The following CELF4 variants were observed in gnomAD, a reference collection of about 807,000 sequenced individuals.
The protein encoded by CELF4 is CUGBP Elav-like family member 4.
A neutral mutation model predicts 59.9 loss-of-function variants in CELF4; 18 were observed. That is an observed-to-expected ratio of 0.30 (90% CI 0.21 to 0.45). The LOEUF (loss-of-function observed/expected upper bound fraction) is 0.45. CELF4 is among the 20% of genes least tolerant of loss of function. The probability of loss-of-function intolerance (pLI) is 1.00; values close to 1 mark genes in which losing one functional copy is unlikely to be tolerated. For missense variants in CELF4, 456 were observed against 689.0 expected, an observed-to-expected ratio of 0.66 and a Z score of 3.79; for synonymous variants, 261 against 267.1, an observed-to-expected ratio of 0.98 and a Z score of 0.22.
At chr18:37,279,973 C>T (rs942170142) in intron 3 of CELF4, among the ~76,000 whole-genome samples, 2 of 152,162 alleles carry the variant, frequency 1.3e-5, no homozygotes, top group African/African-American at 4.8e-5. Flanking sequence ...CGTGTCTGTG[C>T]CTGCAGGTGT....
chr18:37,453,901 G>C (rs2099771021), intron 2 of CELF4, among the ~76,000 whole-genome samples: 1 of 152,120 alleles, frequency 6.6e-6, no homozygotes, highest in African/African-American at 2.4e-5. Flanking sequence ...ACTCCCCACA[G>C]GCAGCAGCTG....
chr18:37,272,597 C>T (rs549380733), intron 7 of CELF4, among the ~76,000 whole-genome samples: 7 of 124,042 alleles, frequency 5.6e-5, no homozygotes, highest in South Asian at 2.5e-4. Flanking sequence ...AAAAAAAAGA[C>T]GACACCCAAA....
intron 2 of CELF4, among the ~76,000 whole-genome samples, chr18:37,410,533 T>C (rs2099434096): frequency 2.6e-5 from 4 of 152,216 alleles, no homozygotes; most frequent in Admixed American, 2.6e-4. Flanking sequence ...CGTGTGTGCG[T>C]GTGGGCATCC....
Position 37,565,538 on chromosome 18 carries a change from C to T in CELF4, c.104G>A (p.Gly35Glu). Residue 35 changes from glycine (G) to glutamate (E), a missense_variant, in exon 1 of 13, where the codon GGA becomes GAA. Transcript: ENST00000420428. The stretch of plus-strand genomic sequence containing the variant: ...CGGGTTCCCCGGGCTGTGGCTTAAT[C>T]CGTTCATGTGCCCGGCACTGCCCGG... Reference protein sequence around the residue: ...SSPGSAGHMNGLSHSPGNPST... With the variant: ...SSPGSAGHMNELSHSPGNPST... 1 of 1,614,194 alleles carries T rather than the reference C, an allele frequency of 6.2e-7. No individual in the cohort carries two copies. Among genetic ancestry groups the T allele is most frequent in the Non-Finnish European group, 8.5e-7 (1 of 1,180,030 alleles).
chr18:37,539,623 TAGTC>T (rs57675755), intron 1 of CELF4, among the ~76,000 whole-genome samples: 10,074 of 152,212 alleles, frequency 0.066, 440 homozygotes, highest in East Asian at 0.21. Flanking sequence ...GCACTCTTGT[TAGTC>T]AGTGCACACG....
At chr18:37,432,990 C>A (rs188161171) in intron 2 of CELF4, among the ~76,000 whole-genome samples, 2 of 152,192 alleles carry the variant, frequency 1.3e-5, no homozygotes, top group Non-Finnish European at 2.9e-5. Context: ...CCACGGTATG[C>A]GCAACACAGG....
At chr18:37,505,064 G>A (rs997556222) in intron 1 of CELF4, among the ~76,000 whole-genome samples, 1 of 152,250 alleles carries the variant, frequency 6.6e-6, no homozygotes, top group African/African-American at 2.4e-5. Flanking sequence ...GGCAGGAGAA[G>A]TGCCTTGGGG....
chr18:37,334,966 CT>C (rs1453524435), intron 2 of CELF4, among the ~76,000 whole-genome samples: 1 of 152,024 alleles, frequency 6.6e-6, no homozygotes, highest in Non-Finnish European at 1.5e-5. Flanking sequence ...TGTTTTGTCT[CT>C]GGGCTTTAGA....
At chr18:37,510,789 C>T (rs944307494) in intron 1 of CELF4, among the ~76,000 whole-genome samples, 7 of 152,290 alleles carry the variant, frequency 4.6e-5, no homozygotes, top group African/African-American at 9.6e-5. Flanking sequence ...TCCACTTAGC[C>T]GTGCACATGC....
chr18:37,289,421 C>T (rs2095143433), intron 3 of CELF4, among the ~76,000 whole-genome samples: 1 of 152,174 alleles, frequency 6.6e-6, no homozygotes, highest in South Asian at 2.1e-4. Context: ...GTCCTCCCAC[C>T]CACAAGTCTC....
At chr18:37,398,491 C>G (rs2099273856) in intron 2 of CELF4, among the ~76,000 whole-genome samples, 1 of 152,172 alleles carries the variant, frequency 6.6e-6, no homozygotes, top group Non-Finnish European at 1.5e-5. Context: ...TGAGGAAGAT[C>G]CTAGCCTCGG....
At chr18:37,294,875 T>C (rs1461803256) in intron 3 of CELF4, among the ~76,000 whole-genome samples, 1 of 152,232 alleles carries the variant, frequency 6.6e-6, no homozygotes, top group Non-Finnish European at 1.5e-5. Context: ...TTTATCAACA[T>C]TTCCCATCCT....
chr18:37,521,250 C>T (rs1457518643), intron 1 of CELF4, among the ~76,000 whole-genome samples: 1 of 152,058 alleles, frequency 6.6e-6, no homozygotes. Context: ...AGTCTAAGAT[C>T]GGCAGATTCC....
rs536324638 is a variant in CELF4, at chr18:37,490,621, T to A, written c.287-5014A>T. 5.9e-4 allele frequency among the ~76,000 whole-genome samples: 90 copies of A among 152,224 alleles called. 1 individual carries two copies. Among genetic ancestry groups the A allele is most frequent in the Non-Finnish European group, 1.1e-3 (75 of 68,016 alleles). ...CTGCGGTGCTGGGAGTTGACACAGG[T>A]GCTCTCAACTCAGCAAGCTGGAAAT... On this transcript the variant is annotated intron_variant, in intron 1 of 12. Coordinates refer to ENST00000420428, the MANE Select transcript of CELF4 (RefSeq NM_020180.4).
chr18:37,366,522 C>T (rs2098786099), intron 2 of CELF4, among the ~76,000 whole-genome samples: 1 of 152,156 alleles, frequency 6.6e-6, no homozygotes, highest in South Asian at 2.1e-4. Context: ...GACTCAGACC[C>T]CATTCTTCCC....
Position 37,455,716 on chromosome 18 carries a change from G to A in CELF4, c.369+29809C>T, listed in dbSNP as rs1334095160. 2.6e-5 allele frequency among the ~76,000 whole-genome samples: 4 copies of A among 152,208 alleles called. No homozygotes were observed. In the East Asian group the frequency reaches 7.7e-4, roughly 29 times the overall value. Reference sequence around the variant, plus strand: ...ACACACGCTTTTAGGTCATAGACAAGGTCTACAAGCTGGGTCACTGCAGGA... The same window carrying A: ...ACACACGCTTTTAGGTCATAGACAAAGTCTACAAGCTGGGTCACTGCAGGA... On this transcript the variant is annotated intron_variant, in intron 2 of 12. Coordinates refer to ENST00000420428, the MANE Select transcript of CELF4 (RefSeq NM_020180.4).
In CELF4 at chr18:37,397,952, G is replaced by T. The variant is rs528914193; in HGVS notation, c.370-76071C>A. The stretch of plus-strand genomic sequence containing the variant: ...AGGTCATCTCTGCTCTTTCCAGCAG[G>T]GGCTCCTCTCACCCTCTATCCTGAC... On this transcript the variant is annotated intron_variant, in intron 2 of 12. Transcript: ENST00000420428. 3.3e-5 allele frequency among the ~76,000 whole-genome samples: 5 copies of T among 152,258 alleles called. No homozygotes were observed. In the East Asian group the frequency reaches 9.7e-4, roughly 29 times the overall value.
At chr18:37,350,534 T>C (rs1454832992) in intron 2 of CELF4, among the ~76,000 whole-genome samples, 7 of 152,122 alleles carry the variant, frequency 4.6e-5, no homozygotes, top group Non-Finnish European at 7.3e-5. Flanking sequence ...CAATCAATAC[T>C]GCACATTGCA....
chr18:37,534,845 T>G (rs1166342932), intron 1 of CELF4, among the ~76,000 whole-genome samples: 2 of 152,008 alleles, frequency 1.3e-5, no homozygotes, highest in Non-Finnish European at 2.9e-5. Context: ...AGAGAAGAGG[T>G]GACATGCCTC....
Sources: allele counts gnomAD v4.1 joint callset (sites outside exome capture counted in the v4.1 genomes callset), GRCh38; gene constraint gnomAD v4.1.1; transcripts MANE v1.5; gene names NCBI Gene and HGNC (gene_info 2026-07-23, HGNC 2026-07-21).